Variants in CFAP69 observed in about 807,000 individuals in gnomAD.
The protein encoded by CFAP69 is cilia and flagella associated protein 69, also known as cilia- and flagella-associated protein 69.
Under a neutral mutation model 123.0 loss-of-function variants are expected in CFAP69, and 92 were observed. That is an observed-to-expected ratio of 0.75 (90% CI 0.63 to 0.89). The LOEUF (loss-of-function observed/expected upper bound fraction) is 0.89, where lower values mean the gene tolerates loss of function less well. Ranked by LOEUF, CFAP69 falls within the 40% of genes least tolerant of loss-of-function variation. The pLI is 0.00. For missense variants in CFAP69, 1,067 were observed against 1,096.9 expected (o/e 0.97, Z 0.39); for synonymous variants, 380 against 364.3 (o/e 1.04, Z -0.49).
intron 3 of CFAP69, among the ~76,000 whole-genome samples, chr7:90,260,239 A>T (rs1252670892): frequency 6.6e-6 from 1 of 152,292 alleles, no homozygotes; most frequent in East Asian, 1.9e-4. Context: ...TAAAGAAGTT[A>T]TCAAGCCCGT....
downstream of CFAP69, among the ~76,000 whole-genome samples, chr7:90,312,303 C>T (rs1052056621): frequency 1.3e-5 from 2 of 152,124 alleles, no homozygotes; most frequent in Admixed American, 6.5e-5. Context: ...TAGATTTTCT[C>T]CAAAATGGTG....
chr7:90,309,165 C>A, intron 21 of CFAP69, 98 bp from the exon 22 acceptor site: 1 of 573,470 alleles, frequency 1.7e-6, no homozygotes, highest in South Asian at 3.5e-5. Flanking sequence ...ACAACCAAAG[C>A]ATAAGCCAGA....
chr7:90,255,878 T>C (rs531933062), intron 2 of CFAP69, among the ~76,000 whole-genome samples: 1 of 152,278 alleles, frequency 6.6e-6, no homozygotes, highest in East Asian at 1.9e-4. Flanking sequence ...CATGTACACA[T>C]AGATAATTTA....
intron 14 of CFAP69, among the ~76,000 whole-genome samples, chr7:90,286,852 C>T (rs17863061): frequency 0.053 from 8,109 of 152,180 alleles, 274 homozygotes; most frequent in Non-Finnish European, 0.077. Context: ...CTTTGGGAGG[C>T]TGAGGCAGGT....
intron 6 of CFAP69, chr7:90,270,299 T>G (rs1256188499): frequency 6.6e-6 from 1 of 152,170 alleles, no homozygotes; most frequent in African/African-American, 2.4e-5. Context: ...ATCCATATGA[T>G]AGACTATTAT....
At chr7:90,300,283 A>C in intron 17 of CFAP69, 1 of 918,514 alleles carries the variant, frequency 1.1e-6, no homozygotes, top group Non-Finnish European at 1.3e-6. Context: ...AATGGTATTT[A>C]ATTATATTCT....
At chr7:90,288,414 T>G in intron 15 of CFAP69, 62 bp downstream of exon 15, 1 of 1,533,840 alleles carries the variant, frequency 6.5e-7, no homozygotes, top group Non-Finnish European at 8.8e-7. Flanking sequence ...TTTACAACAG[T>G]GAGGATACTT....
chr7:90,304,407 GTT>G, intron 18 of CFAP69: 1 of 991,500 alleles, frequency 1.0e-6, no homozygotes, highest in Non-Finnish European at 1.3e-6. Flanking sequence ...AGTCACTTGA[GTT>G]TTTTTTTTTA....
At chr7:90,286,031 G>C (rs910019534) in intron 13 of CFAP69, among the ~76,000 whole-genome samples, 4 of 152,128 alleles carry the variant, frequency 2.6e-5, no homozygotes, top group African/African-American at 9.7e-5. Flanking sequence ...GCTGGGCATG[G>C]TCGTGCACGC....
At chr7:90,314,426 C>A (rs1239005535), downstream of CFAP69, among the ~76,000 whole-genome samples, 2 of 151,948 alleles carry the variant, frequency 1.3e-5, no homozygotes, top group East Asian at 3.9e-4. Context: ...AGTTGGAGAC[C>A]AGCTTGGGCA....
intron 1 of CFAP69, among the ~76,000 whole-genome samples, chr7:90,247,100 A>G (rs548889573): frequency 4.1e-4 from 63 of 152,306 alleles, no homozygotes; most frequent in African/African-American, 1.5e-3. Flanking sequence ...TTTCTCCCCA[A>G]AGAAATAGAA....
At chr7:90,279,371 A>G (rs1349088533) in intron 11 of CFAP69, among the ~76,000 whole-genome samples, 2 of 152,182 alleles carry the variant, frequency 1.3e-5, no homozygotes, top group Non-Finnish European at 2.9e-5. Context: ...ACGTTTTATT[A>G]TACGTTAAAA....
At chr7:90,315,094 T>C (rs928333518), downstream of CFAP69, among the ~76,000 whole-genome samples, 2 of 147,044 alleles carry the variant, frequency 1.4e-5, no homozygotes, top group Non-Finnish European at 2.9e-5. Flanking sequence ...TATTAAAAAG[T>C]CAAAAAACAA....
intron 2 of CFAP69, 41 bp downstream of exon 2, chr7:90,255,523 T>C (rs774437147): frequency 7.0e-7 from 1 of 1,419,802 alleles, no homozygotes; most frequent in South Asian, 1.2e-5. Context: ...CTGCATTACT[T>C]ACAAACTATT....
At chr7:90,318,613 TCTAAAAA>T in the CFAP69 span, 2 of 152,108 alleles carry the variant, frequency 1.3e-5, no homozygotes, top group Admixed American at 1.3e-4. Context: ...GACTATTGTA[TCTAAAAA>T]ATATATCACA....
At chr7:90,276,971 G>C (rs1788707795) in intron 9 of CFAP69, 102 bp from the exon 10 acceptor site, 3 of 820,064 alleles carry the variant, frequency 3.7e-6, no homozygotes, top group Non-Finnish European at 5.4e-6. Context: ...AATGACAGTA[G>C]GAGAATTTGA....
At chr7:90,303,930 A>T in intron 17 of CFAP69, 39 bp from the exon 18 acceptor site, 3 of 1,515,454 alleles carry the variant, frequency 2.0e-6, no homozygotes, top group Middle Eastern at 1.7e-4. Flanking sequence ...TATGGTTTTT[A>T]TCTGTCCCTT....
intron 11 of CFAP69, among the ~76,000 whole-genome samples, chr7:90,277,606 C>T (rs1788804420): frequency 1.3e-5 from 2 of 152,052 alleles, no homozygotes. Context: ...AATTAGACAG[C>T]ATAAAATGAA....
At chr7:90,282,557 T>G (rs1789647535) in intron 12 of CFAP69, among the ~76,000 whole-genome samples, 1 of 152,146 alleles carries the variant, frequency 6.6e-6, no homozygotes, top group Non-Finnish European at 1.5e-5. Flanking sequence ...TATAATTTAT[T>G]TATAAAAATG....
Sources: allele counts gnomAD v4.1 joint callset (sites outside exome capture counted in the v4.1 genomes callset), GRCh38; gene constraint gnomAD v4.1.1; transcripts MANE v1.5; gene names NCBI Gene and HGNC (gene_info 2026-07-23, HGNC 2026-07-21).